MED28: variants seen among roughly 807,000 people sequenced by gnomAD.
MED28 encodes the protein mediator complex subunit 28.
In MED28, 26 loss-of-function variants were observed where a neutral mutation model predicts 21.3. That is an observed-to-expected ratio of 1.22 (90% confidence interval 0.89 to 1.69). MED28 has a LOEUF of 1.69. Ranked by LOEUF, MED28 falls within the 40% of genes most tolerant of loss-of-function variation. The pLI, the probability that MED28 is intolerant of heterozygous loss-of-function variation, is 0.00. For synonymous variants in MED28, 110 were observed against 87.6 expected (o/e 1.26, Z -1.43); for missense variants, 257 against 215.4 (o/e 1.19, Z -1.21).
chr4:17,621,202 T>G (rs917816816), intron 2 of MED28, among the ~76,000 whole-genome samples: 1 of 151,874 alleles, frequency 6.6e-6, no homozygotes, highest in East Asian at 1.9e-4. Flanking sequence ...TTAGTAGAGA[T>G]GGGGTTTCAC....
chr4:17,621,520 T>G (rs1560157833), intron 2 of MED28, 67 bp from the exon 3 acceptor site: 1 of 1,072,946 alleles, frequency 9.3e-7, no homozygotes, highest in African/African-American at 1.6e-5. Flanking sequence ...TGATTATTCA[T>G]TTATGAGGGA....
At position 17,633,808 on chromosome 4, in the gene MED28, G is replaced by GCCA; in HGVS notation, c.*10012_*10014dup. ...GGGCATTAATCCTGGAACTCAGATC[G>GCCA]CCACTCAGAAAGTTCTTTGCATAGG... On this transcript the variant is annotated 3_prime_UTR_variant, in exon 4 of 4. Transcript: ENST00000237380. 1 of 1,551,538 alleles carries GCCA rather than the reference G, an allele frequency of 6.4e-7. No homozygotes were observed. Among genetic ancestry groups the GCCA allele is most frequent in the East Asian group, 2.4e-5 (1 of 40,918 alleles).
chr4:17,623,703 G>A lies in MED28; in HGVS notation c.442G>A (p.Val148Met), dbSNP rs1714697315. 1.2e-6 allele frequency: 2 copies of A among 1,614,186 alleles called. No homozygotes were observed. Among genetic ancestry groups the A allele is most frequent in the East Asian group, 2.2e-5 (1 of 44,892 alleles). The stretch of plus-strand genomic sequence containing the variant: ...GCAGCAGGTGCTGGAGGACATCAAC[G>A]TGCAGCACAAAAAGCCCGCCGACAT... Reference protein sequence around the residue: ...HWQQVLEDINVQHKKPADIPQ... With the variant: ...HWQQVLEDINMQHKKPADIPQ... Residue 148 changes from valine to methionine, a missense_variant, in exon 4 of 4, where the codon GTG (valine) becomes ATG (methionine). By Grantham distance (21) the Val-to-Met change is conservative. Transcript: ENST00000237380.
At position 17,615,992 on chromosome 4, in the gene MED28, A is replaced by C. The variant is rs1230993666; in HGVS notation, c.159+1179A>C. 2.0e-5 allele frequency among the ~76,000 whole-genome samples: 3 copies of C among 151,930 alleles called. No individual in the cohort carries two copies. The South Asian group carries it at 6.2e-4, about 32-fold the overall frequency. ...AATAAATGATTTGAGATGGAGTCTC[A>C]CTCTCTCGCCCAGGCTGGAGTACAG... On this transcript the variant is annotated intron_variant, in intron 1 of 3. Coordinates refer to ENST00000237380, the MANE Select transcript of MED28 (RefSeq NM_025205.5).
intron 1 of MED28, among the ~76,000 whole-genome samples, chr4:17,619,558 A>G (rs1039323471): frequency 3.3e-5 from 5 of 152,230 alleles, no homozygotes; most frequent in African/African-American, 4.8e-5. Flanking sequence ...TGAGTCCTGA[A>G]TGGGTGGTGA....
At chr4:17,614,884 T>C in intron 1 of MED28, 71 bp downstream of exon 1, 1 of 1,498,482 alleles carries the variant, frequency 6.7e-7, no homozygotes. Flanking sequence ...CGCGTACGCG[T>C]ATCTCCTCCA....
rs1390731188 is a variant in MED28 at position 17,623,890 on chromosome 4, C to G, written c.*92C>G. 7.9e-6 allele frequency: 11 copies of G among 1,396,568 alleles called. No individual in the cohort carries two copies. The African/African-American group carries it at 1.2e-4, about 15-fold the overall frequency. The allele number at this position is 1,396,568 out of a possible 1,614,324, so 86.5% of individuals were successfully genotyped here. A position where few individuals can be genotyped will look rare whatever the true frequency, so the allele number is the denominator to read the frequency against. On this transcript the variant is annotated 3_prime_UTR_variant, in exon 4 of 4. Coordinates refer to ENST00000237380, the MANE Select transcript of MED28 (RefSeq NM_025205.5). ...GTGGACTTGACATTTTGGAAGAACT[C>G]TTTGCCAGATAATGAGTTCATTTTA... is the stretch of plus-strand genomic sequence containing the variant.
chr4:17,628,231 C>G lies in MED28; in HGVS notation c.*4433C>G, dbSNP rs529265471. The G allele has an allele frequency of 6.8e-6, 1 of 147,948 alleles. No individual in the cohort carries two copies. Among genetic ancestry groups the G allele is most frequent in the East Asian group, 2.0e-4 (1 of 5,034 alleles). 9.2% of individuals were successfully genotyped at this position (147,948 alleles called of 1,614,324 possible). ...TCACAAAATACCAAACATCCTTCTG[C>G]TGGTTAAAACGAGTGACAGCTGCCG... On this transcript the variant is annotated 3_prime_UTR_variant, in exon 4 of 4. Coordinates refer to ENST00000237380, the MANE Select transcript of MED28 (RefSeq NM_025205.5).
In MED28 at chr4:17,627,571, A is replaced by G. The variant is rs1024097660; in HGVS notation, c.*3773A>G. 3.3e-5 allele frequency: 5 copies of G among 152,274 alleles called. No homozygotes were observed. The highest frequency in any genetic ancestry group is 7.2e-5 in the African/African-American group (3 of 41,446). The allele number at this position is 152,274 out of a possible 1,614,324, so 9.4% of individuals were successfully genotyped here. On this transcript the variant is annotated 3_prime_UTR_variant, in exon 4 of 4. Coordinates refer to ENST00000237380, the MANE Select transcript of MED28 (RefSeq NM_025205.5). ...CAAGAAAGCAGCTTCAAGGAGTTCA[A>G]TTACAAAAGCTCCTGGCATTGGGGA...
At position 17,628,288 on chromosome 4, in the gene MED28, GTGTATGTGTATATGCGTATATATGTGTA is replaced by G. The variant is rs1714822148; in HGVS notation, c.*4500_*4527del. 1 of 150,146 alleles carries G rather than the reference GTGTATGTGTATATGCGTATATATGTGTA, an allele frequency of 6.7e-6. No homozygotes were observed. The highest frequency in any genetic ancestry group is 1.5e-5 in the Non-Finnish European group (1 of 68,226). 9.3% of individuals were successfully genotyped at this position (150,146 alleles called of 1,614,324 possible). On this transcript the variant is annotated 3_prime_UTR_variant, in exon 4 of 4. Coordinates refer to ENST00000237380, the MANE Select transcript of MED28 (RefSeq NM_025205.5). Reference sequence around the variant, plus strand: ...TGTGTGTGTGTGTGTGTGTGTGTGTGTGTATGTGTATATGCGTATATATGTGTATGTATGTGTGTATATATATATGTGT... The same window carrying G: ...TGTGTGTGTGTGTGTGTGTGTGTGTGTGTATGTGTGTATATATATATGTGT...
At chr4:17,622,390 T>G (rs1714662151) in intron 3 of MED28, among the ~76,000 whole-genome samples, 1 of 152,226 alleles carries the variant, frequency 6.6e-6, no homozygotes, top group Non-Finnish European at 1.5e-5. Flanking sequence ...TGATACCAGC[T>G]GTTGGGGATA....
In MED28 at chr4:17,632,809, A is replaced by C. The variant is rs1263815399; in HGVS notation, c.*9011A>C. ...GATGGGGCTGGGGAGGGAGTACCTAATCCTCATTTGGAAAACAGAAGGTTC... is the reference window on the plus strand; with the variant it reads ...GATGGGGCTGGGGAGGGAGTACCTACTCCTCATTTGGAAAACAGAAGGTTC... On this transcript the variant is annotated 3_prime_UTR_variant, in exon 4 of 4. Coordinates refer to ENST00000237380, the MANE Select transcript of MED28 (RefSeq NM_025205.5). 8 of 514,090 alleles carry C rather than the reference A, an allele frequency of 1.6e-5. No individual in the cohort carries two copies. In the East Asian group the frequency reaches 2.3e-4, roughly 15 times the overall value. The allele number at this position is 514,090 out of a possible 1,614,324, so 31.8% of individuals were successfully genotyped here.
At chr4:17,622,555 GAT>G (rs1243114667) in intron 3 of MED28, among the ~76,000 whole-genome samples, 1 of 133,372 alleles carries the variant, frequency 7.5e-6, no homozygotes, top group Non-Finnish European at 1.5e-5. Context: ...AATCTGAAGT[GAT>G]AGATCAGTGG....
rs1714747522 is a variant in MED28 at position 17,625,335 on chromosome 4, C to A, written c.*1537C>A. On this transcript the variant is annotated 3_prime_UTR_variant, in exon 4 of 4. Coordinates refer to ENST00000237380, the MANE Select transcript of MED28 (RefSeq NM_025205.5). ...TCTCTGATTACCAGCCTGACATCAA[C>A]AAATCCCCTCAGTTACAACGTATAG... 1 of 178,382 alleles carries A rather than the reference C, an allele frequency of 5.6e-6. No individual in the cohort carries two copies. The highest frequency in any genetic ancestry group is 1.0e-4 in the South Asian group (1 of 9,612). 11.0% of individuals were successfully genotyped at this position (178,382 alleles called of 1,614,324 possible). A position where few individuals can be genotyped will look rare whatever the true frequency, so the allele number is the denominator to read the frequency against.
chr4:17,614,775 A>C lies in MED28; in HGVS notation c.121A>C (p.Ser41Arg). The C allele has an allele frequency of 6.2e-7, 1 of 1,613,802 alleles. No individual in the cohort carries two copies. The highest frequency in any genetic ancestry group is 2.2e-5 in the East Asian group (1 of 44,880). The change falls in exon 1 of 4, where the codon AGC (serine) becomes CGC (arginine). Residue 41 changes from serine to arginine, a missense_variant. Ser to Arg is a moderately radical substitution (Grantham distance 110). Coordinates refer to ENST00000237380, the MANE Select transcript of MED28 (RefSeq NM_025205.5). ...QAAPGAPRPSSSTLVDELESS... is the reference protein window; with the variant it reads ...QAAPGAPRPSRSTLVDELESS... ...AGCTCCAGGCGCTCCTAGACCTTCC[A>C]GCAGTACTTTGGTGGACGAGTTGGA...
chr4:17,632,914 A>C lies in MED28; in HGVS notation c.*9116A>C. 1 of 219,802 alleles carries C rather than the reference A, an allele frequency of 4.5e-6. No homozygotes were observed. The highest frequency in any genetic ancestry group is 8.5e-5 in the South Asian group (1 of 11,740). The allele number at this position is 219,802 out of a possible 1,614,324, so 13.6% of individuals were successfully genotyped here. A position where few individuals can be genotyped will look rare whatever the true frequency, so the allele number is the denominator to read the frequency against. On this transcript the variant is annotated 3_prime_UTR_variant, in exon 4 of 4. Coordinates refer to ENST00000237380, the MANE Select transcript of MED28 (RefSeq NM_025205.5). ...AATGCAGGATTAACCAAACCTACAG[A>C]TCAAGAGACTTTGTTTTTATTTTTT...
At chr4:17,623,469 C>A in intron 3 of MED28, 132 bp from the exon 4 acceptor site, 1 of 803,966 alleles carries the variant, frequency 1.2e-6, no homozygotes, top group Non-Finnish European at 2.0e-6. Flanking sequence ...AATAGTGGAG[C>A]CAAGCAGAGT....
chr4:17,632,662 A>G lies in MED28; in HGVS notation c.*8864A>G. 1.4e-6 allele frequency: 2 copies of G among 1,398,816 alleles called. No homozygotes were observed. Among genetic ancestry groups the G allele is most frequent in the Non-Finnish European group, 2.0e-6 (2 of 1,013,308 alleles). 86.7% of individuals were successfully genotyped at this position (1,398,816 alleles called of 1,614,324 possible). On this transcript the variant is annotated 3_prime_UTR_variant, in exon 4 of 4. Transcript: ENST00000237380. The stretch of plus-strand genomic sequence containing the variant: ...AAAAGGTTTTTTTATATGGTTTTGA[A>G]AACTATGCAAGAAGCAGCTTAATAC...
Position 17,626,240 on chromosome 4 carries a change from A to T in MED28, c.*2442A>T, listed in dbSNP as rs551044057. On this transcript the variant is annotated 3_prime_UTR_variant, in exon 4 of 4. Coordinates refer to ENST00000237380, the MANE Select transcript of MED28 (RefSeq NM_025205.5). ...CTACAAGAGTGAAACTCCGTCTCAAAAAAGAAAAAGGAGATGTTGAATGGG... is the reference window on the plus strand; with the variant it reads ...CTACAAGAGTGAAACTCCGTCTCAATAAAGAAAAAGGAGATGTTGAATGGG... 1 of 152,632 alleles carries T rather than the reference A, an allele frequency of 6.6e-6. No individual in the cohort carries two copies. Among genetic ancestry groups the T allele is most frequent in the East Asian group, 1.9e-4 (1 of 5,174 alleles). 9.5% of individuals were successfully genotyped at this position (152,632 alleles called of 1,614,324 possible). A position where few individuals can be genotyped will look rare whatever the true frequency, so the allele number is the denominator to read the frequency against.
Sources: gnomAD v4.1 joint callset for allele counts (sites outside exome capture counted in the v4.1 genomes callset) on GRCh38, gnomAD v4.1.1 for gene constraint, MANE v1.5 for transcripts, NCBI Gene and HGNC (gene_info 2026-07-23, HGNC 2026-07-21) for gene names.